Variants in DTX1 observed in about 807,000 individuals in gnomAD.
DTX1 encodes the protein deltex E3 ubiquitin ligase 1.
DTX1 carries 26 observed loss-of-function variants against 57.8 expected under a neutral mutation model. The ratio of observed to expected loss-of-function variants is 0.45; its 90% CI spans 0.33 to 0.62. DTX1 has a LOEUF of 0.62. DTX1 is among the 20% of genes least tolerant of loss of function. The pLI, the probability that DTX1 is intolerant of heterozygous loss-of-function variation, is 0.02. For synonymous variants in DTX1, 398 were observed against 394.1 expected (o/e 1.01, Z -0.12); for missense variants, 704 against 895.3 (o/e 0.79, Z 2.73).
In DTX1 at chr12:113,058,173, C is replaced by T. The variant is rs767647816; in HGVS notation, c.-20C>T. ...GGGCCTGCAATAGTGGGGGACCTGGCCCCTGAGGCAGTGGCGGCCATGTCA... is the reference window on the plus strand; with the variant it reads ...GGGCCTGCAATAGTGGGGGACCTGGTCCCTGAGGCAGTGGCGGCCATGTCA... On this transcript the variant is annotated 5_prime_UTR_variant, in exon 2 of 10. Transcript: ENST00000548759. 40 of 1,583,334 alleles carry T rather than the reference C, an allele frequency of 2.5e-5. 3 individuals are homozygous for T. The highest frequency in any genetic ancestry group is 2.2e-4 in the South Asian group (19 of 87,502).
At chr12:113,080,327 TA>T (rs1183766385) in intron 3 of DTX1, among the ~76,000 whole-genome samples, 1 of 152,092 alleles carries the variant, frequency 6.6e-6, no homozygotes, top group Admixed American at 6.6e-5. Flanking sequence ...TATGGCCCCT[TA>T]TAGACAGCAG....
chr12:113,095,483 C>T, intron 9 of DTX1, 69 bp downstream of exon 9: 3 of 1,587,902 alleles, frequency 1.9e-6, no homozygotes, highest in Non-Finnish European at 2.6e-6. Flanking sequence ...CTGGCCTGGG[C>T]CTGTGGTCCC....
chr12:113,073,673 A>T (rs2044751605), intron 2 of DTX1, among the ~76,000 whole-genome samples: 1 of 152,198 alleles, frequency 6.6e-6, no homozygotes, highest in Non-Finnish European at 1.5e-5. Flanking sequence ...AGGGCAGAGG[A>T]CAAGCTCTTT....
rs965596885 is a variant in DTX1, at chr12:113,077,170, C to T, written c.260-254C>T. Among the ~76,000 whole-genome samples, 3 of 152,168 alleles carry T rather than the reference C, an allele frequency of 2.0e-5. No individual in the cohort carries two copies. Among genetic ancestry groups the T allele is most frequent in the African/African-American group, 7.2e-5 (3 of 41,420 alleles). The stretch of plus-strand genomic sequence containing the variant: ...CTCGCCCCAGTGCTATGCGCTGAAC[C>T]TTTAGCCCCGGCCCCCCTCACCCTG... On this transcript the variant is annotated intron_variant, in intron 2 of 9. Transcript: ENST00000548759. The surrounding 1 kb of genome is among the most constrained non-coding windows in gnomAD (Gnocchi z 7.8).
rs573135167 is a variant in DTX1, at chr12:113,093,093, C to A, written c.942-69C>A. 5.3e-6 allele frequency: 8 copies of A among 1,514,698 alleles called. No individual in the cohort carries two copies. The Admixed American group carries it at 1.2e-4, about 22-fold the overall frequency. The allele number at this position is 1,514,698 out of a possible 1,614,324, so 93.8% of individuals were successfully genotyped here. A position where few individuals can be genotyped will look rare whatever the true frequency, so the allele number is the denominator to read the frequency against. The stretch of plus-strand genomic sequence containing the variant: ...TGGCCCAGGAGCCAGAGACAGAAGG[C>A]AAGCCAGGTCCCCTGACGTCGCTTC... On this transcript the variant is annotated intron_variant, in intron 3 of 9. Transcript: ENST00000548759. This position sits in a 1 kb window ranked among gnomAD's most constrained non-coding sequence, Gnocchi z 4.2.
chr12:113,078,872 A>G (rs1425626274), intron 3 of DTX1, among the ~76,000 whole-genome samples: 1 of 152,076 alleles, frequency 6.6e-6, no homozygotes, highest in Non-Finnish European at 1.5e-5. Flanking sequence ...ACTGGGCTCC[A>G]GGGACTCCCG....
chr12:113,080,705 G>A (rs1173886299), intron 3 of DTX1, among the ~76,000 whole-genome samples: 1 of 152,190 alleles, frequency 6.6e-6, no homozygotes, highest in Non-Finnish European at 1.5e-5. Context: ...CCTGGGAACA[G>A]TGCCTCATGC....
In DTX1 at chr12:113,093,798, T is replaced by C; in HGVS notation, c.1165+98T>C. The C allele has an allele frequency of 2.0e-6, 3 of 1,532,748 alleles. No individual in the cohort carries two copies. The highest frequency in any genetic ancestry group is 2.7e-6 in the Non-Finnish European group (3 of 1,130,120). 94.9% of individuals were successfully genotyped at this position (1,532,748 alleles called of 1,614,324 possible). ...TCTCCAACTTATTCTTAGCATTTAC[T>C]ACCTCACCTCCATTGCCTGATCTCA... is the stretch of plus-strand genomic sequence containing the variant. On this transcript the variant is annotated intron_variant, in intron 5 of 9. Transcript: ENST00000548759. The surrounding 1 kb of genome is among the most constrained non-coding windows in gnomAD (Gnocchi z 4.2).
intron 2 of DTX1, among the ~76,000 whole-genome samples, chr12:113,073,475 A>G (rs934399759): frequency 2.6e-5 from 4 of 152,318 alleles, no homozygotes; most frequent in African/African-American, 9.6e-5. Flanking sequence ...ATTGGCTGGA[A>G]CATGGTAGGT....
chr12:113,063,893 A>G (rs1057407939), intron 2 of DTX1, among the ~76,000 whole-genome samples: 1 of 152,224 alleles, frequency 6.6e-6, no homozygotes, highest in African/African-American at 2.4e-5. Context: ...GGGGACAGTG[A>G]GGCCCAGAGA....
At chr12:113,071,472 G>A (rs1233578394) in intron 2 of DTX1, among the ~76,000 whole-genome samples, 1 of 152,270 alleles carries the variant, frequency 6.6e-6, no homozygotes, top group Non-Finnish European at 1.5e-5. Flanking sequence ...GCCCCTAACT[G>A]CCTGGGGGAC....
At chr12:113,086,084 A>G (rs2044854720) in intron 3 of DTX1, among the ~76,000 whole-genome samples, 1 of 152,160 alleles carries the variant, frequency 6.6e-6, no homozygotes, top group South Asian at 2.1e-4. Flanking sequence ...CCTGGACAAC[A>G]TAGTGAGACT....
At chr12:113,081,700 G>T (rs1428029443) in intron 3 of DTX1, among the ~76,000 whole-genome samples, 2 of 152,164 alleles carry the variant, frequency 1.3e-5, no homozygotes, top group African/African-American at 4.8e-5. Flanking sequence ...AGGGCGTGGT[G>T]TGTTCAGGGA....
In DTX1 at chr12:113,093,058, C is replaced by A; in HGVS notation, c.942-104C>A. 1 of 1,158,998 alleles carries A rather than the reference C, an allele frequency of 8.6e-7. No individual in the cohort carries two copies. 71.8% of individuals were successfully genotyped at this position (1,158,998 alleles called of 1,614,324 possible). ...CAGTTGGCAGAGAGGTACAAAGAGG[C>A]CAGGGTGTGTGGCCCAGGAGCCAGA... On this transcript the variant is annotated intron_variant, in intron 3 of 9. Transcript: ENST00000548759. The surrounding 1 kb of genome is among the most constrained non-coding windows in gnomAD (Gnocchi z 4.2).
At chr12:113,079,169 G>A (rs993630445) in intron 3 of DTX1, among the ~76,000 whole-genome samples, 1 of 152,112 alleles carries the variant, frequency 6.6e-6, no homozygotes, top group Non-Finnish European at 1.5e-5. Flanking sequence ...CTGAGGGGTG[G>A]CAATGAGAGG....
At chr12:113,092,224 G>A (rs576017993) in intron 3 of DTX1, among the ~76,000 whole-genome samples, 1 of 152,018 alleles carries the variant, frequency 6.6e-6, no homozygotes, top group Admixed American at 6.6e-5. Context: ...TTGCACAGCT[G>A]ACAGTGATGA....
intron 2 of DTX1, 61 bp downstream of exon 2, chr12:113,058,512 G>C (rs1050955535): frequency 1.3e-6 from 2 of 1,534,194 alleles, no homozygotes; most frequent in African/African-American, 1.4e-5. Context: ...TTGCAGCGTA[G>C]GATGCTGAAA....
intron 3 of DTX1, among the ~76,000 whole-genome samples, chr12:113,083,821 C>T (rs1411680681): frequency 6.6e-6 from 1 of 152,198 alleles, no homozygotes; most frequent in Non-Finnish European, 1.5e-5. Context: ...CCCTCCTTCT[C>T]TCCCCTCCTG....
At chr12:113,095,296 C>G in intron 8 of DTX1, 29 bp from the exon 9 acceptor site, 3 of 1,613,970 alleles carry the variant, frequency 1.9e-6, no homozygotes, top group Non-Finnish European at 2.5e-6. Flanking sequence ...TGTTCATGGT[C>G]TAAATCCCTG....
Sources: allele counts gnomAD v4.1 joint callset (sites outside exome capture counted in the v4.1 genomes callset), GRCh38; gene constraint gnomAD v4.1.1; non-coding constraint Gnocchi (gnomAD v3.1); transcripts MANE v1.5; gene names NCBI Gene and HGNC (gene_info 2026-07-23, HGNC 2026-07-21).